Variants in SDK1 observed in about 807,000 individuals in gnomAD.
The protein encoded by SDK1 is sidekick cell adhesion molecule 1, also known as protein sidekick-1.
Under a neutral mutation model 245.5 loss-of-function variants are expected in SDK1, and 157 were observed. That is an observed-to-expected ratio of 0.64 (90% CI 0.56 to 0.73). SDK1 has a LOEUF of 0.73. Among genes scored for constraint, SDK1 ranks in the 30% least tolerant of loss-of-function variants. The probability of loss-of-function intolerance (pLI) is 0.00; values close to 1 mark genes in which losing one functional copy is unlikely to be tolerated. For missense variants in SDK1, 3,583 were observed against 3,002.3 expected (o/e 1.19, Z -4.52); for synonymous variants, 1,647 against 1,278.5 (o/e 1.29, Z -6.15).
chr7:3,747,195 A>C (rs1477461806), intron 4 of SDK1, among the ~76,000 whole-genome samples: 1 of 152,226 alleles, frequency 6.6e-6, no homozygotes, highest in African/African-American at 2.4e-5. Context: ...AGTGTGACAC[A>C]GAACTACCTA....
intron 32 of SDK1, among the ~76,000 whole-genome samples, chr7:4,163,532 C>G (rs1439810842): frequency 6.6e-6 from 1 of 152,120 alleles, no homozygotes; most frequent in Non-Finnish European, 1.5e-5. Context: ...AGTAGGTGTC[C>G]CAGACAGAGC....
At chr7:3,430,549 A>T (rs1015681632) in intron 1 of SDK1, among the ~76,000 whole-genome samples, 1 of 152,018 alleles carries the variant, frequency 6.6e-6, no homozygotes, top group African/African-American at 2.4e-5. Context: ...TCTCTTTCTG[A>T]TGACTGTCTT....
At chr7:3,832,838 A>G (rs994686906) in intron 5 of SDK1, among the ~76,000 whole-genome samples, 4 of 152,042 alleles carry the variant, frequency 2.6e-5, no homozygotes, top group African/African-American at 4.8e-5. Context: ...TTAGCACAAA[A>G]TTAGTTCCTT....
intron 44 of SDK1, among the ~76,000 whole-genome samples, chr7:4,262,701 C>T (rs1312986292): frequency 7.0e-6 from 1 of 142,900 alleles, no homozygotes; most frequent in African/African-American, 2.6e-5. Flanking sequence ...ATCCTCTCCC[C>T]TCATCACCTC....
chr7:4,110,663 G>A lies in SDK1; in HGVS notation c.3325G>A (p.Val1109Met), dbSNP rs1301426631. 6.2e-7 allele frequency: 1 copy of A among 1,608,472 alleles called. No individual in the cohort carries two copies. The highest frequency in any genetic ancestry group is 1.1e-5 in the South Asian group (1 of 90,938). The change falls in exon 23 of 45, where the codon GTG becomes ATG. Residue 1109 changes from valine to methionine, a missense_variant and splice_region_variant. Physicochemically the swap from Val to Met is conservative, Grantham distance 21 (BLOSUM62 1). Transcript: ENST00000404826. Reference sequence around the variant, plus strand: ...CATCTCAGTGTCTCCCTCTGCACAGGTGGGAGCTATCGGCGACGAGGAGGA... The same window carrying A: ...CATCTCAGTGTCTCCCTCTGCACAGATGGGAGCTATCGGCGACGAGGAGGA... ...SISRWIVEGQ[V>M]GAIGDEEEWV... is the part of the protein sequence containing the mutation.
chr7:3,383,842 A>G (rs1463474432), intron 1 of SDK1, among the ~76,000 whole-genome samples: 1 of 152,230 alleles, frequency 6.6e-6, no homozygotes. Flanking sequence ...TCCAAAGGAC[A>G]ACAGTAAATA....
At chr7:3,661,072 C>G (rs114682056) in intron 4 of SDK1, among the ~76,000 whole-genome samples, 1 of 152,132 alleles carries the variant, frequency 6.6e-6, no homozygotes. Context: ...CTCTCACTCT[C>G]TAAAATCATT....
intron 4 of SDK1, among the ~76,000 whole-genome samples, chr7:3,662,628 T>C (rs1783402171): frequency 6.6e-6 from 1 of 152,198 alleles, no homozygotes; most frequent in Non-Finnish European, 1.5e-5. Context: ...ATGGTTCCTC[T>C]CTTAAGAGCA....
chr7:3,697,541 T>A (rs978387106), intron 4 of SDK1, among the ~76,000 whole-genome samples: 11 of 150,636 alleles, frequency 7.3e-5, no homozygotes, highest in African/African-American at 2.5e-4. Context: ...CTAATACCCC[T>A]TTTTTTGAGT....
chr7:3,812,925 G>T (rs952843621), intron 4 of SDK1, among the ~76,000 whole-genome samples: 6 of 152,110 alleles, frequency 3.9e-5, no homozygotes, highest in Non-Finnish European at 8.8e-5. Context: ...ACGAGAAACA[G>T]GTTTCCCAAA....
chr7:3,645,672 A>C (rs1464614180), intron 4 of SDK1, among the ~76,000 whole-genome samples: 1 of 152,210 alleles, frequency 6.6e-6, no homozygotes, highest in Non-Finnish European at 1.5e-5. Flanking sequence ...ATGTCTAAGA[A>C]AGTACAGTTT....
intron 1 of SDK1, among the ~76,000 whole-genome samples, chr7:3,426,376 GTGGAGT>G (rs1779676515): frequency 6.6e-6 from 1 of 152,212 alleles, no homozygotes; most frequent in African/African-American, 2.4e-5. Context: ...GGTTGTAGGT[GTGGAGT>G]TGGACAGGCT....
intron 1 of SDK1, among the ~76,000 whole-genome samples, chr7:3,519,405 A>G (rs1782857877): frequency 6.6e-6 from 1 of 152,162 alleles, no homozygotes; most frequent in East Asian, 1.9e-4. Flanking sequence ...TATGATTATT[A>G]TGTGTCAAAT....
chr7:4,196,838 G>C (rs546425314), intron 35 of SDK1, among the ~76,000 whole-genome samples: 1 of 152,298 alleles, frequency 6.6e-6, no homozygotes, highest in South Asian at 2.1e-4. Context: ...CATTCGGAGA[G>C]GATTTATCTG....
At position 3,650,324 on chromosome 7, in the gene SDK1, T is replaced by TG. The variant is rs142258188; in HGVS notation, c.713+8220dup. ...ATCTTCAGCACATCTTTTCATCTTG[T>TG]GAAACTCTGTACCCGTTAAACATAA... On this transcript the variant is annotated intron_variant, in intron 4 of 44. Transcript: ENST00000404826. 9.1e-3 allele frequency among the ~76,000 whole-genome samples: 1,384 copies of TG among 152,294 alleles called. 27 individuals are homozygous for TG. Among genetic ancestry groups the TG allele is most frequent in the African/African-American group, 0.031 (1,301 of 41,540 alleles).
intron 5 of SDK1, among the ~76,000 whole-genome samples, chr7:3,940,335 T>C (rs549347144): frequency 3.3e-5 from 5 of 152,270 alleles, no homozygotes; most frequent in Non-Finnish European, 7.3e-5. Flanking sequence ...CTTCTGCTTC[T>C]GTATAGCTCT....
rs886123106 is a variant in SDK1 at position 3,601,664 on chromosome 7, T to C, written c.299-17416T>C. 2.6e-5 allele frequency among the ~76,000 whole-genome samples: 4 copies of C among 151,822 alleles called. 1 individual carries two copies. The highest frequency in any genetic ancestry group is 1.3e-4 in the Admixed American group (2 of 15,242). On this transcript the variant is annotated intron_variant, in intron 1 of 44. Coordinates refer to ENST00000404826, the MANE Select transcript of SDK1 (RefSeq NM_152744.4). ...AAGATCCAGCTTTCTTATCAATTTATTTATTTATTTAAATTTTATTTTATT... is the reference window on the plus strand; with the variant it reads ...AAGATCCAGCTTTCTTATCAATTTACTTATTTATTTAAATTTTATTTTATT...
At chr7:3,605,722 T>C (rs1167537901) in intron 1 of SDK1, among the ~76,000 whole-genome samples, 1 of 152,204 alleles carries the variant, frequency 6.6e-6, no homozygotes, top group Admixed American at 6.5e-5. Flanking sequence ...AGAATTAAAA[T>C]GTTTCAGAGT....
chr7:3,438,301 G>A (rs1444660042), intron 1 of SDK1, among the ~76,000 whole-genome samples: 3 of 152,130 alleles, frequency 2.0e-5, no homozygotes, highest in Admixed American at 2.0e-4. Context: ...TTTATAGTAT[G>A]TGCCTGTTGT....
Sources: allele counts gnomAD v4.1 joint callset (sites outside exome capture counted in the v4.1 genomes callset), GRCh38; gene constraint gnomAD v4.1.1; transcripts MANE v1.5; gene names NCBI Gene and HGNC (gene_info 2026-07-23, HGNC 2026-07-21).